TMEM150C: variants seen among roughly 807,000 people sequenced by gnomAD.
The protein encoded by TMEM150C is tentonin 3.
A neutral mutation model predicts 29.9 loss-of-function variants in TMEM150C; 10 were observed. The observed-to-expected ratio is 0.33, with a 90% CI of 0.21 to 0.57. The LOEUF is 0.57. TMEM150C is among the 20% of genes least tolerant of loss of function. The pLI is 0.88. For synonymous variants in TMEM150C, 101 were observed against 112.5 expected, an observed-to-expected ratio of 0.90 and a Z score of 0.64; for missense variants, 251 against 303.6, an observed-to-expected ratio of 0.83 and a Z score of 1.29.
At chr4:82,551,059 G>A (rs1216517046) in intron 1 of TMEM150C, among the ~76,000 whole-genome samples, 2 of 152,178 alleles carry the variant, frequency 1.3e-5, no homozygotes, top group Non-Finnish European at 2.9e-5. Context: ...ATAAGTTACT[G>A]CAAGAGTTGG....
intron 1 of TMEM150C, among the ~76,000 whole-genome samples, chr4:82,549,934 G>C (rs1470808868): frequency 6.6e-6 from 1 of 152,184 alleles, no homozygotes; most frequent in African/African-American, 2.4e-5. Flanking sequence ...AAAAACCCTG[G>C]ACCCAAAGGA....
At chr4:82,496,562 G>A (rs1307919281) in intron 5 of TMEM150C, among the ~76,000 whole-genome samples, 1 of 152,192 alleles carries the variant, frequency 6.6e-6, no homozygotes, top group Non-Finnish European at 1.5e-5. Context: ...CAAAAACAAG[G>A]TCAGCACAGG....
At position 82,539,065 on chromosome 4, in the gene TMEM150C, T is replaced by TCAAA. The variant is rs578098056; in HGVS notation, c.-11+22837_-11+22840dup. On this transcript the variant is annotated intron_variant, in intron 1 of 7. Coordinates refer to ENST00000449862, the MANE Select transcript of TMEM150C (RefSeq NM_001080506.3). ...CTGGGGAACAGACCTAGACCCTGTC[T>TCAAA]CAAACAAACAAACAAACACAAAAGA... is the stretch of plus-strand genomic sequence containing the variant. Among the ~76,000 whole-genome samples, 60 of 152,164 alleles carry TCAAA rather than the reference T, an allele frequency of 3.9e-4. No homozygotes were observed. The East Asian group carries it at 9.1e-3, about 23-fold the overall frequency.
intron 1 of TMEM150C, among the ~76,000 whole-genome samples, chr4:82,507,494 T>C (rs1723963584): frequency 6.6e-6 from 1 of 152,124 alleles, no homozygotes; most frequent in Admixed American, 6.5e-5. Flanking sequence ...TTACCTGCGC[T>C]TGTCAGCTTA....
intron 7 of TMEM150C, among the ~76,000 whole-genome samples, chr4:82,489,799 T>G (rs1291003384): frequency 6.6e-6 from 1 of 152,184 alleles, no homozygotes; most frequent in Non-Finnish European, 1.5e-5. Context: ...TTTTACATCA[T>G]TAGTGAAATG....
intron 6 of TMEM150C, chr4:82,491,661 ATTTTTTATT>A (rs1415290278): frequency 2.0e-6 from 1 of 509,262 alleles, no homozygotes; most frequent in African/African-American, 2.0e-5. Flanking sequence ...GAGAGCGCTA[ATTTTTTATT>A]TTTTTTATTT....
At chr4:82,486,448 C>T (rs1215337901) in intron 7 of TMEM150C, among the ~76,000 whole-genome samples, 1 of 151,602 alleles carries the variant, frequency 6.6e-6, no homozygotes, top group Non-Finnish European at 1.5e-5. Context: ...TTACTAACTG[C>T]CGACATGTAA....
At chr4:82,500,106 T>G (rs1311495038) in intron 5 of TMEM150C, among the ~76,000 whole-genome samples, 1 of 152,198 alleles carries the variant, frequency 6.6e-6, no homozygotes, top group Non-Finnish European at 1.5e-5. Context: ...AAATGCAGTT[T>G]CAAGACAAAA....
intron 7 of TMEM150C, among the ~76,000 whole-genome samples, chr4:82,486,488 C>T (rs147104155): frequency 0.027 from 4,108 of 152,080 alleles, 74 homozygotes; most frequent in Middle Eastern, 0.061. Flanking sequence ...TGCTACTAAC[C>T]GTGTCTGAGT....
At chr4:82,538,574 T>C (rs1246485745) in intron 1 of TMEM150C, among the ~76,000 whole-genome samples, 16 of 152,192 alleles carry the variant, frequency 1.1e-4, no homozygotes, top group Admixed American at 1.0e-3. Flanking sequence ...ACATATGATA[T>C]ATACTTATTG....
intron 1 of TMEM150C, among the ~76,000 whole-genome samples, chr4:82,506,114 A>G (rs1723912046): frequency 6.6e-6 from 1 of 152,178 alleles, no homozygotes; most frequent in South Asian, 2.1e-4. Context: ...ACAATTAAAG[A>G]AAGTTTGTTT....
rs61275870 is a variant in TMEM150C, at chr4:82,485,052, T to C, written c.*459A>G. The C allele has an allele frequency of 0.044, 7,089 of 162,334 alleles. 520 individuals are homozygous for C. Among genetic ancestry groups the C allele is most frequent in the African/African-American group, 0.15 (6,397 of 41,706 alleles). The allele number at this position is 162,334 out of a possible 1,614,324, so 10.1% of individuals were successfully genotyped here. ...TCAATACAATTTCCGTCCTATTCTA[T>C]GATACACTATTATCCACTCAAGAAT... On this transcript the variant is annotated 3_prime_UTR_variant, in exon 8 of 8. Transcript: ENST00000449862.
At chr4:82,556,628 T>C (rs1262259422) in intron 1 of TMEM150C, among the ~76,000 whole-genome samples, 1 of 152,042 alleles carries the variant, frequency 6.6e-6, no homozygotes, top group Non-Finnish European at 1.5e-5. Flanking sequence ...GCACTGAGCA[T>C]TCTGGGTGAC....
At chr4:82,529,099 G>A (rs76161315) in intron 1 of TMEM150C, among the ~76,000 whole-genome samples, 4,097 of 152,142 alleles carry the variant, frequency 0.027, 171 homozygotes, top group African/African-American at 0.093. Flanking sequence ...CGGGAAGGCA[G>A]GGGAGGAGAG....
At chr4:82,558,018 A>T (rs1018063620) in intron 1 of TMEM150C, among the ~76,000 whole-genome samples, 1 of 152,146 alleles carries the variant, frequency 6.6e-6, no homozygotes, top group African/African-American at 2.4e-5. Context: ...AGCGTGAGAC[A>T]CTGCACGTGG....
In TMEM150C at chr4:82,490,257, A is replaced by G. The variant is rs987777523; in HGVS notation, c.364-19T>C. 12 of 1,611,946 alleles carry G rather than the reference A, an allele frequency of 7.4e-6. No homozygotes were observed. Among genetic ancestry groups the G allele is most frequent in the Non-Finnish European group, 9.3e-6 (11 of 1,178,520 alleles). Reference sequence around the variant, plus strand: ...TTGTGAGCTTAGGGATGAATGGATAATGACACATGAAGGCCCATTCAGCAA... The same window carrying G: ...TTGTGAGCTTAGGGATGAATGGATAGTGACACATGAAGGCCCATTCAGCAA... On this transcript the variant is annotated intron_variant, in intron 6 of 7. Coordinates refer to ENST00000449862, the MANE Select transcript of TMEM150C (RefSeq NM_001080506.3).
chr4:82,504,636 C>G lies in TMEM150C; in HGVS notation c.22G>C (p.Val8Leu), dbSNP rs201246065. 3.1e-6 allele frequency: 5 copies of G among 1,613,550 alleles called. No individual in the cohort carries two copies. Among genetic ancestry groups the G allele is most frequent in the South Asian group, 2.2e-5 (2 of 90,998 alleles). The change falls in exon 2 of 8, where the codon GTA becomes CTA. Residue 8 changes from valine (V) to leucine (L), a missense_variant. Coordinates refer to ENST00000449862, the MANE Select transcript of TMEM150C (RefSeq NM_001080506.3). MDGKKCS[V>L]WMFLPLVFTL... Reference sequence around the variant, plus strand: ...AATACAAGAGGTAGGAACATCCATACGCTGCATTTCTTCCCATCCATGCCT... The same window carrying G: ...AATACAAGAGGTAGGAACATCCATAGGCTGCATTTCTTCCCATCCATGCCT...
chr4:82,494,227 TG>T (rs1723464667), intron 6 of TMEM150C, among the ~76,000 whole-genome samples: 1 of 152,008 alleles, frequency 6.6e-6, no homozygotes, highest in African/African-American at 2.4e-5. Flanking sequence ...TGGAGGTTGG[TG>T]GGGAGGGAGG....
intron 1 of TMEM150C, among the ~76,000 whole-genome samples, chr4:82,552,164 T>C (rs1249922671): frequency 6.6e-6 from 1 of 152,174 alleles, no homozygotes; most frequent in Non-Finnish European, 1.5e-5. Context: ...AACCAGATGT[T>C]GGCACCATGC....
Sources: allele counts gnomAD v4.1 joint callset (sites outside exome capture counted in the v4.1 genomes callset), GRCh38; gene constraint gnomAD v4.1.1; transcripts MANE v1.5; gene names NCBI Gene and HGNC (gene_info 2026-07-23, HGNC 2026-07-21).